The following TOX variants were observed in gnomAD, a reference collection of about 807,000 sequenced individuals.
TOX encodes the protein thymocyte selection-associated high mobility group box protein TOX.
Under a neutral mutation model 53.7 loss-of-function variants are expected in TOX, and 11 were observed. The ratio of observed to expected loss-of-function variants is 0.20; its 90% CI spans 0.13 to 0.34. TOX has a LOEUF of 0.34. Ranked by LOEUF, TOX falls within the 10% of genes least tolerant of loss-of-function variation. The pLI is 1.00. For synonymous variants in TOX, 225 were observed against 245.3 expected (o/e 0.92, Z 0.77); for missense variants, 570 against 664.6 (o/e 0.86, Z 1.56).
chr8:58,869,702 A>C (rs1296776069), intron 3 of TOX, among the ~76,000 whole-genome samples: 1 of 152,176 alleles, frequency 6.6e-6, no homozygotes, highest in Non-Finnish European at 1.5e-5. Flanking sequence ...ACAAGGTTAA[A>C]GTTCAACATT....
chr8:58,817,855 T>C (rs1323310932), intron 6 of TOX, among the ~76,000 whole-genome samples: 1 of 151,192 alleles, frequency 6.6e-6, no homozygotes, highest in African/African-American at 2.5e-5. Flanking sequence ...TATGTGTAAC[T>C]GTAAAAATGT....
rs1199449004 is a variant in TOX at position 59,021,130 on chromosome 8, G to A, written c.103-61122C>T. Among the ~76,000 whole-genome samples the A allele has an allele frequency of 3.0e-5, 4 of 133,744 alleles. No homozygotes were observed. The East Asian group carries it at 6.5e-4, about 22-fold the overall frequency. 87.7% of individuals were successfully genotyped at this position (133,744 alleles called of 152,430 possible). A position where few individuals can be genotyped will look rare whatever the true frequency, so the allele number is the denominator to read the frequency against. On this transcript the variant is annotated intron_variant, in intron 1 of 8. Transcript: ENST00000361421. Reference sequence around the variant, plus strand: ...TCTCAAAAAAAAAAAAAAAAAAAGAGTTGTAAAATTTAATTTCTCTAAACC... The same window carrying A: ...TCTCAAAAAAAAAAAAAAAAAAAGAATTGTAAAATTTAATTTCTCTAAACC...
intron 1 of TOX, among the ~76,000 whole-genome samples, chr8:59,109,258 C>T (rs983295328): frequency 6.6e-6 from 1 of 151,998 alleles, no homozygotes; most frequent in Non-Finnish European, 1.5e-5. Flanking sequence ...TATAACAACC[C>T]GACACTAATT....
At chr8:58,812,957 G>T (rs1810107956) in intron 7 of TOX, among the ~76,000 whole-genome samples, 1 of 152,154 alleles carries the variant, frequency 6.6e-6, no homozygotes, top group Admixed American at 6.5e-5. Flanking sequence ...CCATGATCAA[G>T]GCATTGTTAA....
At position 58,972,356 on chromosome 8, in the gene TOX, T is replaced by G. The variant is rs1320158174; in HGVS notation, c.103-12348A>C. Among the ~76,000 whole-genome samples, 3 of 152,176 alleles carry G rather than the reference T, an allele frequency of 2.0e-5. No individual in the cohort carries two copies. The East Asian group carries it at 5.8e-4, about 29-fold the overall frequency. ...CTGAAAATGCAAAGTGCTGTTGAAC[T>G]CTTCTCTTAATTCATACAGAAAATA... On this transcript the variant is annotated intron_variant, in intron 1 of 8. Transcript: ENST00000361421.
At chr8:58,895,551 A>G (rs1046939484) in intron 3 of TOX, among the ~76,000 whole-genome samples, 3 of 152,250 alleles carry the variant, frequency 2.0e-5, no homozygotes, top group African/African-American at 7.2e-5. Context: ...TTCACTGGAT[A>G]TGAAGCCTTG....
chr8:59,055,179 C>T (rs1403758821), intron 1 of TOX, among the ~76,000 whole-genome samples: 1 of 152,084 alleles, frequency 6.6e-6, no homozygotes, highest in Non-Finnish European at 1.5e-5. Context: ...ACTAAGCTTG[C>T]TGTGATATCA....
At chr8:58,939,233 G>A (rs1256697935) in intron 3 of TOX, 69 bp downstream of exon 3, 9 of 1,569,566 alleles carry the variant, frequency 5.7e-6, no homozygotes, top group African/African-American at 5.4e-5. Context: ...CCAGGCCCTC[G>A]CATGAACTTG....
intron 1 of TOX, among the ~76,000 whole-genome samples, chr8:59,105,037 A>C (rs1449320707): frequency 6.6e-6 from 1 of 152,188 alleles, no homozygotes; most frequent in Non-Finnish European, 1.5e-5. Flanking sequence ...GTGTTCAAAA[A>C]ATGCTTTTCA....
chr8:59,118,941 G>A lies in TOX; in HGVS notation c.47C>T (p.Pro16Leu). 6.2e-7 allele frequency: 1 copy of A among 1,602,596 alleles called. No homozygotes were observed. The highest frequency in any genetic ancestry group is 8.5e-7 in the Non-Finnish European group (1 of 1,174,162). The change falls in exon 1 of 9, where the codon CCC becomes CTC. Residue 16 changes from proline to leucine, a missense_variant. By Grantham distance (98) the Pro-to-Leu change is moderately conservative. Around this residue, in one of 3 missense-constraint regions of TOX, gnomAD observed 282 missense variants for 315.0 expected, o/e 0.90. Transcript: ENST00000361421. This position sits in a 1 kb window ranked among gnomAD's most constrained non-coding sequence, Gnocchi z 4.1. ...YPPPAQPAAAPDAPCLGPSPC... is the reference protein window; with the variant it reads ...YPPPAQPAAALDAPCLGPSPC... ...AGAAGGTCCCAGACAGGGAGCGTCG[G>A]GCGCAGCGGCGGGCTGGGCTGGAGG...
intron 3 of TOX, among the ~76,000 whole-genome samples, chr8:58,882,152 T>C (rs1191061388): frequency 6.6e-6 from 1 of 152,184 alleles, no homozygotes; most frequent in Non-Finnish European, 1.5e-5. Flanking sequence ...TTAGGGAAAA[T>C]AAACACTTTC....
At chr8:59,029,179 T>C (rs997905093) in intron 1 of TOX, among the ~76,000 whole-genome samples, 4 of 152,086 alleles carry the variant, frequency 2.6e-5, no homozygotes, top group Non-Finnish European at 5.9e-5. Context: ...CTATACACTC[T>C]CATTTATTCA....
chr8:58,973,445 T>C (rs962973340), intron 1 of TOX, among the ~76,000 whole-genome samples: 11 of 152,230 alleles, frequency 7.2e-5, no homozygotes, highest in Non-Finnish European at 1.5e-4. Flanking sequence ...GGCTTGTGAA[T>C]ATGCATTCTG....
chr8:58,926,055 G>A (rs1019350863), intron 3 of TOX, among the ~76,000 whole-genome samples: 4 of 152,206 alleles, frequency 2.6e-5, no homozygotes, highest in Non-Finnish European at 5.9e-5. Flanking sequence ...TGCCTGGGCT[G>A]AGCTGGATTG....
intron 4 of TOX, among the ~76,000 whole-genome samples, chr8:58,843,861 T>C (rs955774677): frequency 1.3e-5 from 2 of 152,226 alleles, no homozygotes; most frequent in African/African-American, 2.4e-5. Flanking sequence ...ATGATCATTG[T>C]TGTGTCCAAA....
chr8:58,923,262 A>G (rs151002120), intron 3 of TOX, among the ~76,000 whole-genome samples: 2 of 152,294 alleles, frequency 1.3e-5, no homozygotes, highest in East Asian at 1.9e-4. Flanking sequence ...CACAAAGAAG[A>G]TGGTGCTTTG....
intron 3 of TOX, among the ~76,000 whole-genome samples, chr8:58,868,754 T>G (rs1811145822): frequency 6.6e-6 from 1 of 150,378 alleles, no homozygotes; most frequent in Non-Finnish European, 1.5e-5. Context: ...AACTTAAGCT[T>G]CTACCATAGT....
At chr8:58,958,755 C>A (rs897338398) in intron 2 of TOX, among the ~76,000 whole-genome samples, 19 of 152,252 alleles carry the variant, frequency 1.2e-4, no homozygotes, top group African/African-American at 4.6e-4. Context: ...TTCATGATGA[C>A]CTTTTCAGCT....
At chr8:58,931,066 C>A (rs879643271) in intron 3 of TOX, among the ~76,000 whole-genome samples, 26 of 152,196 alleles carry the variant, frequency 1.7e-4, no homozygotes, top group African/African-American at 6.3e-4. Flanking sequence ...AGATGTTTGC[C>A]TTTAGGACAT....
Sources: allele counts gnomAD v4.1 joint callset (sites outside exome capture counted in the v4.1 genomes callset), GRCh38; gene constraint gnomAD v4.1.1; regional missense constraint gnomAD v4.1.1; non-coding constraint Gnocchi (gnomAD v3.1); transcripts MANE v1.5; gene names NCBI Gene and HGNC (gene_info 2026-07-23, HGNC 2026-07-21).